The following GRIP2 variants were observed in gnomAD, a reference collection of about 807,000 sequenced individuals.
GRIP2 encodes glutamate receptor interacting protein 2, also known as glutamate receptor-interacting protein 2.
Under a neutral mutation model 108.3 loss-of-function variants are expected in GRIP2, and 58 were observed. That is an observed-to-expected ratio of 0.54 (90% CI 0.43 to 0.67). The LOEUF is 0.67. GRIP2 is among the 30% of genes least tolerant of loss of function. The pLI, the probability that GRIP2 is intolerant of heterozygous loss-of-function variation, is 0.00. For missense variants in GRIP2, 1,278 were observed against 1,430.6 expected (o/e 0.89, Z 1.72); for synonymous variants, 586 against 598.2 (o/e 0.98, Z 0.30).
intron 21 of GRIP2, among the ~76,000 whole-genome samples, chr3:14,501,574 A>C (rs1026992364): frequency 1.6e-4 from 24 of 152,314 alleles, no homozygotes; most frequent in African/African-American, 5.8e-4. Flanking sequence ...TGGAAAAATG[A>C]AATAACTAGC....
the GRIP2 span, among the ~76,000 whole-genome samples, chr3:14,563,248 G>C: frequency 1.7e-4 from 26 of 151,980 alleles, no homozygotes; most frequent in Admixed American, 7.9e-4. Context: ...TTGAGAAAAA[G>C]TCTTTATCTG....
chr3:14,550,054 C>A (rs1248364317), intron 1 of GRIP2, among the ~76,000 whole-genome samples: 1 of 152,118 alleles, frequency 6.6e-6, no homozygotes, highest in Non-Finnish European at 1.5e-5. Context: ...GGGGTGGGAG[C>A]CCTGCAGGGT....
chr3:14,599,641 G>A, the GRIP2 span, among the ~76,000 whole-genome samples: 4 of 151,418 alleles, frequency 2.6e-5, no homozygotes, highest in African/African-American at 9.8e-5. Context: ...AAATGTCAAG[G>A]GGGAGGGTCA....
chr3:14,521,288 TGA>T lies in GRIP2; in HGVS notation c.712+352_712+353del. The T allele has an allele frequency of 4.7e-6, 1 of 210,760 alleles. No homozygotes were observed. Among genetic ancestry groups the T allele is most frequent in the Non-Finnish European group, 9.3e-6 (1 of 106,988 alleles). 13.1% of individuals were successfully genotyped at this position (210,760 alleles called of 1,614,324 possible). The stretch of plus-strand genomic sequence containing the variant: ...CTCGCTCATTCCCTCACTCCCCTAG[TGA>T]GAGAGCATCCCCCAGCCTGTCCCAT... On this transcript the variant is annotated intron_variant, in intron 7 of 23. Coordinates refer to ENST00000621039, the MANE Select transcript of GRIP2 (RefSeq NM_001080423.4). This position sits in a 1 kb window ranked among gnomAD's most constrained non-coding sequence, Gnocchi z 5.1.
At chr3:14,514,622 A>G in intron 11 of GRIP2, 144 bp from the exon 12 acceptor site, 1 of 762,856 alleles carries the variant, frequency 1.3e-6, no homozygotes, top group Non-Finnish European at 2.0e-6. Flanking sequence ...CAGACAGATC[A>G]CAGCTCACTC....
the GRIP2 span, among the ~76,000 whole-genome samples, chr3:14,597,739 A>T: frequency 6.6e-6 from 1 of 151,984 alleles, no homozygotes; most frequent in African/African-American, 2.4e-5. Context: ...TTTAAAGGAG[A>T]GGGTAAGAAA....
rs1180690009 is a variant in GRIP2 at position 14,505,056 on chromosome 3, G to A, written c.2573+559C>T. On this transcript the variant is annotated intron_variant, in intron 20 of 23. Transcript: ENST00000621039. The surrounding 1 kb of genome is among the most constrained non-coding windows in gnomAD (Gnocchi z 4.2). ...TCCCAGAGGCAGGAGAATTTGAGCT[G>A]AGTTTTGAGGGATGAGTAGGGATTT... 1.3e-5 allele frequency among the ~76,000 whole-genome samples: 2 copies of A among 152,164 alleles called. No individual in the cohort carries two copies. The highest frequency in any genetic ancestry group is 4.8e-5 in the African/African-American group (2 of 41,448).
chr3:14,534,105 T>C (rs1488489901), intron 1 of GRIP2, among the ~76,000 whole-genome samples: 2 of 152,196 alleles, frequency 1.3e-5, no homozygotes, highest in Non-Finnish European at 2.9e-5. Flanking sequence ...GAAGGAATGC[T>C]GCAGTGTTTG....
the GRIP2 span, among the ~76,000 whole-genome samples, chr3:14,571,135 C>T: frequency 6.6e-6 from 1 of 152,162 alleles, no homozygotes; most frequent in East Asian, 1.9e-4. Flanking sequence ...CTGTTGAGAA[C>T]GGCTGGTTTG....
At position 14,511,045 on chromosome 3, in the gene GRIP2, C is replaced by G; in HGVS notation, c.1933+120G>C. On this transcript the variant is annotated intron_variant, in intron 16 of 23. Transcript: ENST00000621039. The surrounding 1 kb of genome is among the most constrained non-coding windows in gnomAD (Gnocchi z 4.1). ...TCCTTCATTTGTTCATTCCAGCCAG[C>G]CTTCAGCAGCGCCCACCACCCTCCC... is the stretch of plus-strand genomic sequence containing the variant. 1 of 1,199,718 alleles carries G rather than the reference C, an allele frequency of 8.3e-7. No homozygotes were observed. Among genetic ancestry groups the G allele is most frequent in the Non-Finnish European group, 1.2e-6 (1 of 860,276 alleles). The allele number at this position is 1,199,718 out of a possible 1,614,324, so 74.3% of individuals were successfully genotyped here. A position where few individuals can be genotyped will look rare whatever the true frequency, so the allele number is the denominator to read the frequency against.
the GRIP2 span, chr3:14,573,532 A>G: frequency 6.7e-7 from 1 of 1,492,530 alleles, no homozygotes; most frequent in Non-Finnish European, 9.3e-7. Flanking sequence ...ACCTGAGAGC[A>G]GAGCATGGCC....
At chr3:14,555,058 G>A (rs954280956) in intron 1 of GRIP2, among the ~76,000 whole-genome samples, 2 of 152,084 alleles carry the variant, frequency 1.3e-5, no homozygotes, top group African/African-American at 2.4e-5. Flanking sequence ...ACACAGCCTG[G>A]GGGGTTTAAC....
chr3:14,595,203 T>C, the GRIP2 span, among the ~76,000 whole-genome samples: 3 of 152,116 alleles, frequency 2.0e-5, no homozygotes, highest in African/African-American at 7.2e-5. Context: ...CAGCTAATTT[T>C]TGTGCTTTTG....
chr3:14,557,383 A>C (rs1695254751), upstream of GRIP2, among the ~76,000 whole-genome samples: 1 of 152,208 alleles, frequency 6.6e-6, no homozygotes, highest in Non-Finnish European at 1.5e-5. Flanking sequence ...ATAATTTTAA[A>C]CAAAGACAGA....
chr3:14,499,824 T>C (rs971938119), intron 21 of GRIP2, among the ~76,000 whole-genome samples: 3 of 152,142 alleles, frequency 2.0e-5, no homozygotes, highest in African/African-American at 4.8e-5. Flanking sequence ...CCCTGGGCCA[T>C]GTGGGATAAT....
At chr3:14,533,629 C>G (rs1298009342) in intron 1 of GRIP2, among the ~76,000 whole-genome samples, 1 of 152,090 alleles carries the variant, frequency 6.6e-6, no homozygotes, top group African/African-American at 2.4e-5. Flanking sequence ...AGGGGGGGAC[C>G]CATGCCCTGG....
At chr3:14,584,788 C>T in the GRIP2 span, among the ~76,000 whole-genome samples, 4 of 152,156 alleles carry the variant, frequency 2.6e-5, no homozygotes, top group Non-Finnish European at 4.4e-5. Context: ...GAATCTTTTA[C>T]GAAGCACCCA....
chr3:14,585,780 C>G, the GRIP2 span, among the ~76,000 whole-genome samples: 3,284 of 152,258 alleles, frequency 0.022, 120 homozygotes, highest in African/African-American at 0.075. Flanking sequence ...CACCACCTCT[C>G]CAGCAGAAAG....
upstream of GRIP2, among the ~76,000 whole-genome samples, chr3:14,544,364 C>T (rs1695026218): frequency 1.3e-5 from 2 of 152,208 alleles, no homozygotes; most frequent in South Asian, 4.1e-4. Context: ...TAGCCCCTCC[C>T]ACCCAGAGGC....
Sources: allele counts gnomAD v4.1 joint callset (sites outside exome capture counted in the v4.1 genomes callset), GRCh38; gene constraint gnomAD v4.1.1; non-coding constraint Gnocchi (gnomAD v3.1); transcripts MANE v1.5; gene names NCBI Gene and HGNC (gene_info 2026-07-23, HGNC 2026-07-21).